Variants in HNRNPL observed in about 807,000 individuals in gnomAD.
HNRNPL encodes heterogeneous nuclear ribonucleoprotein L, also known as epididymis secretory sperm binding protein.
A neutral mutation model predicts 64.0 loss-of-function variants in HNRNPL; 12 were observed. The observed-to-expected ratio is 0.19, with a 90% CI of 0.12 to 0.30. The LOEUF (loss-of-function observed/expected upper bound fraction) is 0.30, where lower values mean the gene tolerates loss of function less well. Ranked by LOEUF, HNRNPL falls within the 10% of genes least tolerant of loss-of-function variation. HNRNPL has a pLI of 1.00. For missense variants in HNRNPL, 484 were observed against 797.4 expected, an observed-to-expected ratio of 0.61 and a Z score of 4.73; for synonymous variants, 385 against 313.0, an observed-to-expected ratio of 1.23 and a Z score of -2.43.
At chr19:38,841,275 C>T (rs1461223683) in intron 6 of HNRNPL, 1 of 326,294 alleles carries the variant, frequency 3.1e-6, no homozygotes, top group African/African-American at 2.2e-5. Context: ...AAGCGCTTTA[C>T]AGACATCACA....
chr19:38,841,883 A>AT (rs1972128819), intron 6 of HNRNPL: 1 of 371,156 alleles, frequency 2.7e-6, no homozygotes, highest in South Asian at 2.0e-5. Flanking sequence ...ACCTCCTCAC[A>AT]TATGTGCTGC....
upstream of HNRNPL, among the ~76,000 whole-genome samples, chr19:38,852,033 A>G (rs945076363): frequency 6.0e-5 from 9 of 150,652 alleles, 1 homozygote; most frequent in African/African-American, 2.2e-4. Flanking sequence ...GGGGAGGGGG[A>G]GAGAGAGGGC....
In HNRNPL at chr19:38,845,965, A is replaced by G; in HGVS notation, c.512T>C (p.Val171Ala). Residue 171 changes from valine to alanine, a missense_variant, in exon 3 of 13, where the codon GTC (valine) becomes GCC (alanine). Coordinates refer to ENST00000221419, the MANE Select transcript of HNRNPL (RefSeq NM_001533.3). ...QIYIAGHPAF[V>A]NYSTSQKISR... The stretch of plus-strand genomic sequence containing the variant: ...GATCTTCTGGCTGGTAGAGTAGTTG[A>G]CAAAAGCTGGGTGACCAGCAATGTA... 6.2e-7 allele frequency: 1 copy of G among 1,614,184 alleles called. No individual in the cohort carries two copies. Among genetic ancestry groups the G allele is most frequent in the African/African-American group, 1.3e-5 (1 of 75,042 alleles).
At chr19:38,848,329 G>A (rs1477113491) in intron 1 of HNRNPL, among the ~76,000 whole-genome samples, 1 of 152,144 alleles carries the variant, frequency 6.6e-6, no homozygotes. Flanking sequence ...CTGACCTCAG[G>A]TAATCTGCCT....
intron 6 of HNRNPL, chr19:38,840,869 G>A: frequency 2.4e-6 from 1 of 409,002 alleles, no homozygotes; most frequent in Non-Finnish European, 4.3e-6. Context: ...GCCCTCTGGG[G>A]AATGTGCAGC....
chr19:38,848,804 C>T (rs1461325760), intron 1 of HNRNPL, among the ~76,000 whole-genome samples: 2 of 152,160 alleles, frequency 1.3e-5, no homozygotes, highest in African/African-American at 2.4e-5. Context: ...CCTCAGGAAG[C>T]GTTAAGGATT....
In HNRNPL at chr19:38,849,614, G is replaced by A. The variant is rs142416421; in HGVS notation, c.267+86C>T. 2.2e-3 allele frequency: 2,820 copies of A among 1,287,848 alleles called. 56 individuals are homozygous for A. In the African/African-American group the frequency reaches 0.039, roughly 18 times the overall value. 79.8% of individuals were successfully genotyped at this position (1,287,848 alleles called of 1,614,324 possible). ...CGATGGCCTGGGCGCGTGCGCAGAG[G>A]CCCCCCTCAAAAAATAAAATGCCCT... On this transcript the variant is annotated intron_variant, in intron 1 of 12. Coordinates refer to ENST00000221419, the MANE Select transcript of HNRNPL (RefSeq NM_001533.3).
chr19:38,852,153 C>G (rs1375090518), upstream of HNRNPL: 1 of 148,270 alleles, frequency 6.7e-6, no homozygotes, highest in Non-Finnish European at 1.5e-5. Flanking sequence ...GGCCGCCGGC[C>G]CGGCCTGGTG....
rs1305949412 is a variant in HNRNPL at position 38,846,037 on chromosome 19, A to G, written c.440T>C (p.Val147Ala). ...KRQALVEFED[V>A]LGACNAVNYA... ...GTTCACTGCGTTGCAAGCCCCCAAC[A>G]CATCTTCAAACTCCACCAGTGCTTG... The change falls in exon 3 of 13, where the codon GTG becomes GCG. Residue 147 changes from valine (V) to alanine (A), a missense_variant. By Grantham distance (64) the Val-to-Ala change is moderately conservative. Transcript: ENST00000221419. 3 of 1,614,086 alleles carry G rather than the reference A, an allele frequency of 1.9e-6. No homozygotes were observed. In the African/African-American group the frequency reaches 4.0e-5, roughly 22 times the overall value.
chr19:38,844,185 G>C, intron 4 of HNRNPL, 81 bp from the exon 5 acceptor site: 1 of 898,650 alleles, frequency 1.1e-6, no homozygotes, highest in Non-Finnish European at 1.9e-6. Context: ...ATAAGGACAA[G>C]GTAGCACCCC....
Position 38,845,635 on chromosome 19 carries a change from T to C in HNRNPL, c.710+15A>G. On this transcript the variant is annotated intron_variant, in intron 4 of 12. Coordinates refer to ENST00000221419, the MANE Select transcript of HNRNPL (RefSeq NM_001533.3). Reference sequence around the variant, plus strand: ...TCCCTACCCTAAGGAACACCTGTTTTCCAGCAAAGGATATTCCACCATCGC... The same window carrying C: ...TCCCTACCCTAAGGAACACCTGTTTCCCAGCAAAGGATATTCCACCATCGC... 3 of 1,604,242 alleles carry C rather than the reference T, an allele frequency of 1.9e-6. No homozygotes were observed. Among genetic ancestry groups the C allele is most frequent in the Non-Finnish European group, 2.6e-6 (3 of 1,171,000 alleles).
At chr19:38,843,420 C>T (rs537196357) in intron 6 of HNRNPL, 44 of 199,716 alleles carry the variant, frequency 2.2e-4, no homozygotes, top group Admixed American at 2.0e-3. Context: ...GAGACCTCAT[C>T]GCCCCCCAAC....
At chr19:38,850,813 G>A (rs143020649), upstream of HNRNPL, among the ~76,000 whole-genome samples, 83 of 152,344 alleles carry the variant, frequency 5.4e-4, no homozygotes, top group African/African-American at 1.8e-3. Context: ...ACCACTCGCT[G>A]CTGCCGACTG....
intron 12 of HNRNPL, 121 bp from the exon 13 acceptor site, chr19:38,836,901 A>C (rs1318473967): frequency 3.0e-6 from 2 of 667,592 alleles, no homozygotes; most frequent in Non-Finnish European, 2.7e-6. Flanking sequence ...CTAAGGAGTG[A>C]CTGCCCAACG....
At chr19:38,850,662 C>A (rs370868943), upstream of HNRNPL, among the ~76,000 whole-genome samples, 2 of 152,238 alleles carry the variant, frequency 1.3e-5, no homozygotes, top group Non-Finnish European at 2.9e-5. Context: ...ATGGAGCGAC[C>A]GCTGTGTGTG....
intron 8 of HNRNPL, among the ~76,000 whole-genome samples, chr19:38,839,878 A>G (rs1013806869): frequency 6.6e-6 from 1 of 152,194 alleles, no homozygotes; most frequent in Non-Finnish European, 1.5e-5. Context: ...TATGTGATAA[A>G]ATCTTTTTTT....
intron 6 of HNRNPL, chr19:38,841,600 T>A: frequency 8.2e-7 from 1 of 1,213,260 alleles, no homozygotes; most frequent in Non-Finnish European, 1.1e-6. Flanking sequence ...AACAAATCTG[T>A]ATTTTCTCTT....
chr19:38,841,778 A>T (rs1972125787), intron 6 of HNRNPL: 1 of 505,972 alleles, frequency 2.0e-6, no homozygotes, highest in Non-Finnish European at 3.6e-6. Context: ...TATTTTGATT[A>T]AATCAAAAAT....
chr19:38,837,737 A>G (rs1450921184), intron 10 of HNRNPL, 86 bp from the exon 11 acceptor site: 71 of 1,137,592 alleles, frequency 6.2e-5, no homozygotes, highest in Non-Finnish European at 9.2e-5. Flanking sequence ...TGCATGACTC[A>G]GTACTTGAAG....
Sources: allele counts gnomAD v4.1 joint callset (sites outside exome capture counted in the v4.1 genomes callset), GRCh38; gene constraint gnomAD v4.1.1; transcripts MANE v1.5; gene names NCBI Gene and HGNC (gene_info 2026-07-23, HGNC 2026-07-21).